KCNIP4: variants seen among roughly 807,000 people sequenced by gnomAD.
KCNIP4 encodes the protein potassium voltage-gated channel interacting protein 4.
In KCNIP4, 12 loss-of-function variants were observed where a neutral mutation model predicts 34.0. The observed-to-expected ratio is 0.35, with a 90% confidence interval of 0.23 to 0.57. The LOEUF is 0.57. Among genes scored for constraint, KCNIP4 ranks in the 20% least tolerant of loss-of-function variants. KCNIP4 has a pLI of 0.83. For missense variants in KCNIP4, 238 were observed against 311.7 expected (o/e 0.76, Z 1.78); for synonymous variants, 124 against 102.2 (o/e 1.21, Z -1.29).
intron 1 of KCNIP4, among the ~76,000 whole-genome samples, chr4:21,068,271 G>A (rs76970870): frequency 1.3e-5 from 2 of 152,084 alleles, no homozygotes; most frequent in Non-Finnish European, 2.9e-5. Flanking sequence ...AGGCTCTGAC[G>A]TGGTCGTCCT....
At chr4:21,231,181 C>A (rs536661095) in intron 1 of KCNIP4, among the ~76,000 whole-genome samples, 96 of 152,204 alleles carry the variant, frequency 6.3e-4, no homozygotes, top group African/African-American at 2.2e-3. Flanking sequence ...TTCTACAGAG[C>A]GCTCTGCTGA....
chr4:21,081,194 C>T (rs991941049), intron 1 of KCNIP4, among the ~76,000 whole-genome samples: 4 of 151,672 alleles, frequency 2.6e-5, no homozygotes, highest in Non-Finnish European at 5.9e-5. Context: ...TAGAGCCTCT[C>T]CAGTAAGAAT....
chr4:21,765,560 G>T (rs933087373), intron 1 of KCNIP4, among the ~76,000 whole-genome samples: 1 of 152,018 alleles, frequency 6.6e-6, no homozygotes, highest in Non-Finnish European at 1.5e-5. Context: ...ATGGAATCAG[G>T]ATGGTGACTT....
chr4:21,878,699 T>G (rs1726283850), intron 1 of KCNIP4, among the ~76,000 whole-genome samples: 1 of 152,234 alleles, frequency 6.6e-6, no homozygotes, highest in Non-Finnish European at 1.5e-5. Flanking sequence ...TTTATTTTCT[T>G]TTTATTCTGG....
At chr4:20,799,456 C>T (rs1484780604) in intron 3 of KCNIP4, among the ~76,000 whole-genome samples, 2 of 152,154 alleles carry the variant, frequency 1.3e-5, no homozygotes, top group Non-Finnish European at 2.9e-5. Flanking sequence ...ACCTGAAGTC[C>T]CAGGAAATCA....
At chr4:20,864,058 ACATGTATGTATACG>A (rs1722519935) in intron 2 of KCNIP4, among the ~76,000 whole-genome samples, 1 of 150,304 alleles carries the variant, frequency 6.7e-6, no homozygotes, top group Non-Finnish European at 1.5e-5. Context: ...GTATGTATAC[ACATGTATGTATACG>A]TATGTATGTA....
chr4:20,964,379 G>A (rs1734138594), intron 1 of KCNIP4, among the ~76,000 whole-genome samples: 1 of 152,204 alleles, frequency 6.6e-6, no homozygotes, highest in African/African-American at 2.4e-5. Flanking sequence ...GTTAAAGTAT[G>A]TGGTTCAAAT....
chr4:21,530,385 A>T (rs200919180), intron 1 of KCNIP4, among the ~76,000 whole-genome samples: 1 of 152,170 alleles, frequency 6.6e-6, no homozygotes, highest in East Asian at 1.9e-4. Context: ...TTTACAATTC[A>T]GTTTGGTGAG....
intron 1 of KCNIP4, among the ~76,000 whole-genome samples, chr4:21,551,947 G>A (rs1738616670): frequency 6.6e-6 from 1 of 151,632 alleles, no homozygotes; most frequent in African/African-American, 2.4e-5. Context: ...TCCCCAGTGA[G>A]CCTCTGTTTC....
intron 1 of KCNIP4, among the ~76,000 whole-genome samples, chr4:21,010,085 A>G (rs1315049816): frequency 6.6e-6 from 1 of 152,212 alleles, no homozygotes; most frequent in Non-Finnish European, 1.5e-5. Flanking sequence ...CTCTTCTTCA[A>G]ATACCCTCAT....
At chr4:20,771,738 C>T (rs1335657100) in intron 3 of KCNIP4, among the ~76,000 whole-genome samples, 1 of 151,910 alleles carries the variant, frequency 6.6e-6, no homozygotes, top group Non-Finnish European at 1.5e-5. Flanking sequence ...GCTGCGATCT[C>T]GGCTCACTGC....
intron 1 of KCNIP4, among the ~76,000 whole-genome samples, chr4:21,630,831 G>A (rs931522440): frequency 3.3e-5 from 5 of 152,170 alleles, no homozygotes; most frequent in Non-Finnish European, 7.4e-5. Context: ...TAGCATGAAA[G>A]ATGTTTCTGT....
chr4:20,765,982 GTAA>G (rs1273680947), intron 3 of KCNIP4, among the ~76,000 whole-genome samples: 11 of 150,910 alleles, frequency 7.3e-5, no homozygotes, highest in African/African-American at 2.0e-4. Context: ...TATTACTATT[GTAA>G]TAATCAGCAT....
At chr4:21,137,804 A>G (rs1381384220) in intron 1 of KCNIP4, among the ~76,000 whole-genome samples, 1 of 151,782 alleles carries the variant, frequency 6.6e-6, no homozygotes, top group Non-Finnish European at 1.5e-5. Flanking sequence ...TATTATGAAC[A>G]CGTTTAGAAA....
chr4:21,510,680 G>A (rs1734238856), intron 1 of KCNIP4, among the ~76,000 whole-genome samples: 1 of 151,908 alleles, frequency 6.6e-6, no homozygotes, highest in South Asian at 2.1e-4. Context: ...AAGCTAATAT[G>A]TTGACCCCTC....
At chr4:21,056,880 A>G (rs1332713453) in intron 1 of KCNIP4, among the ~76,000 whole-genome samples, 1 of 152,184 alleles carries the variant, frequency 6.6e-6, no homozygotes. Flanking sequence ...TGGGTTCCTC[A>G]TGATGGGATT....
In KCNIP4 at chr4:21,821,096, T is replaced by C. The variant is rs193066515; in HGVS notation, c.61+127475A>G. ...CCTAATAATAAAATGCAGTTCTCAG[T>C]GTTAGCAATTGTTAGCTAGTGAAAA... On this transcript the variant is annotated intron_variant, in intron 1 of 8. Transcript: ENST00000382152. Among the ~76,000 whole-genome samples the C allele has an allele frequency of 7.7e-4, 118 of 152,300 alleles. 1 individual carries two copies. In the East Asian group the frequency reaches 0.019, roughly 24 times the overall value.
At chr4:20,753,898 G>T (rs1441048196) in intron 4 of KCNIP4, among the ~76,000 whole-genome samples, 1 of 104,102 alleles carries the variant, frequency 9.6e-6, no homozygotes, top group Non-Finnish European at 1.9e-5. Context: ...TCTGACTTGA[G>T]CTCATTTGTT....
chr4:21,842,143 A>C (rs947219273), intron 1 of KCNIP4, among the ~76,000 whole-genome samples: 7 of 152,188 alleles, frequency 4.6e-5, no homozygotes, highest in Admixed American at 2.0e-4. Flanking sequence ...TTCATGCCCC[A>C]AAATAATTAT....
Sources: gnomAD v4.1 joint callset for allele counts (sites outside exome capture counted in the v4.1 genomes callset) on GRCh38, gnomAD v4.1.1 for gene constraint, MANE v1.5 for transcripts, NCBI Gene and HGNC (gene_info 2026-07-23, HGNC 2026-07-21) for gene names.